ERC2: variants seen among roughly 807,000 people sequenced by gnomAD.
ERC2 encodes the protein ELKS/RAB6-interacting/CAST family member 2.
ERC2 carries 42 observed loss-of-function variants against 114.8 expected under a neutral mutation model. The ratio of observed to expected loss-of-function variants is 0.37; its 90% CI spans 0.29 to 0.47. The LOEUF (loss-of-function observed/expected upper bound fraction) is 0.47, where lower values mean the gene tolerates loss of function less well. Ranked by LOEUF, ERC2 falls within the 20% of genes least tolerant of loss-of-function variation. ERC2 has a pLI of 0.99. For synonymous variants in ERC2, 454 were observed against 425.5 expected, an observed-to-expected ratio of 1.07 and a Z score of -0.82; for missense variants, 939 against 1,150.7, an observed-to-expected ratio of 0.82 and a Z score of 2.66.
chr3:55,595,228 A>G (rs1414749519), intron 17 of ERC2, among the ~76,000 whole-genome samples: 1 of 152,230 alleles, frequency 6.6e-6, no homozygotes, highest in Non-Finnish European at 1.5e-5. Context: ...AAATCAAGAT[A>G]TCTGTTTAAA....
intron 15 of ERC2, among the ~76,000 whole-genome samples, chr3:55,703,479 T>A (rs763269885): frequency 1.3e-5 from 2 of 152,234 alleles, no homozygotes; most frequent in Non-Finnish European, 2.9e-5. Context: ...TTCAGCAGAA[T>A]CCTGTAGCCA....
chr3:55,932,508 T>C (rs2066159942), intron 13 of ERC2, among the ~76,000 whole-genome samples: 1 of 152,200 alleles, frequency 6.6e-6, no homozygotes, highest in South Asian at 2.1e-4. Flanking sequence ...TGGACCTTTG[T>C]ACATGCTGTT....
chr3:56,356,607 C>A (rs2058753497), intron 2 of ERC2, among the ~76,000 whole-genome samples: 1 of 152,166 alleles, frequency 6.6e-6, no homozygotes, highest in Non-Finnish European at 1.5e-5. Context: ...ACATGTAAGG[C>A]CTTTATTCTG....
chr3:55,862,816 T>C (rs1278174346), intron 14 of ERC2, among the ~76,000 whole-genome samples: 1 of 152,208 alleles, frequency 6.6e-6, no homozygotes, highest in Non-Finnish European at 1.5e-5. Context: ...ACACAATGAC[T>C]GAATTATGGT....
At chr3:56,408,609 G>A (rs1454107989) in intron 2 of ERC2, among the ~76,000 whole-genome samples, 1 of 152,182 alleles carries the variant, frequency 6.6e-6, no homozygotes. Context: ...CCTGGTATAA[G>A]AGGGACATTC....
At chr3:55,943,521 CT>C (rs35782784) in intron 13 of ERC2, among the ~76,000 whole-genome samples, 40,067 of 151,616 alleles carry the variant, frequency 0.26, 5,557 homozygotes, top group Admixed American at 0.34. Flanking sequence ...AACTCTCAAG[CT>C]TTTGGTACCT....
intron 3 of ERC2, among the ~76,000 whole-genome samples, chr3:56,177,737 C>T (rs970669207): frequency 3.3e-5 from 5 of 152,168 alleles, no homozygotes; most frequent in African/African-American, 1.2e-4. Flanking sequence ...CAGCCTGAGA[C>T]TTTGGGTATG....
At chr3:55,696,634 A>T (rs1411988740) in intron 16 of ERC2, among the ~76,000 whole-genome samples, 1 of 152,248 alleles carries the variant, frequency 6.6e-6, no homozygotes, top group Non-Finnish European at 1.5e-5. Context: ...TGGGAAAGAT[A>T]ACTATTGATA....
chr3:55,842,146 T>C (rs1190335658), intron 14 of ERC2, among the ~76,000 whole-genome samples: 1 of 151,866 alleles, frequency 6.6e-6, no homozygotes, highest in African/African-American at 2.4e-5. Context: ...CTCAGAAAAA[T>C]ATTAAGAATC....
intron 3 of ERC2, among the ~76,000 whole-genome samples, chr3:56,278,015 C>A (rs529014765): frequency 1.2e-4 from 19 of 152,280 alleles, no homozygotes; most frequent in African/African-American, 4.6e-4. Flanking sequence ...TCCATTGCTT[C>A]ATTTGTAACA....
At chr3:55,950,329 A>C (rs2067410860) in intron 13 of ERC2, 96 bp downstream of exon 13, 2 of 1,479,854 alleles carry the variant, frequency 1.4e-6, no homozygotes, top group South Asian at 1.3e-5. Flanking sequence ...GGCAAAGTCC[A>C]CCATTTCTGT....
chr3:56,258,595 A>G (rs911646831), intron 3 of ERC2, among the ~76,000 whole-genome samples: 2 of 152,220 alleles, frequency 1.3e-5, no homozygotes, highest in African/African-American at 4.8e-5. Context: ...CGGAGCTTGT[A>G]GTGAGCCAAG....
intron 17 of ERC2, among the ~76,000 whole-genome samples, chr3:55,622,881 C>T (rs2059380275): frequency 1.3e-5 from 2 of 151,866 alleles, no homozygotes; most frequent in East Asian, 1.9e-4. Context: ...TGGTTCCGAC[C>T]GAGACTTGGA....
intron 12 of ERC2, among the ~76,000 whole-genome samples, chr3:55,969,392 T>TACACACACACACAC (rs10555030): frequency 1.2e-4 from 17 of 140,602 alleles, no homozygotes; most frequent in African/African-American, 4.6e-4. Context: ...TTTATACACA[T>TACACACACACACAC]ACACACACAC....
intron 2 of ERC2, among the ~76,000 whole-genome samples, chr3:56,350,458 A>G (rs992664491): frequency 2.0e-5 from 3 of 152,240 alleles, no homozygotes; most frequent in Non-Finnish European, 2.9e-5. Flanking sequence ...TACTTGACAC[A>G]AAATTCTAAC....
At chr3:55,821,505 C>T (rs1348151816) in intron 14 of ERC2, among the ~76,000 whole-genome samples, 1 of 152,144 alleles carries the variant, frequency 6.6e-6, no homozygotes, top group African/African-American at 2.4e-5. Context: ...ACTTTACCAG[C>T]GTCATTACAT....
chr3:56,069,553 G>A (rs936232904), intron 7 of ERC2, among the ~76,000 whole-genome samples: 1 of 152,136 alleles, frequency 6.6e-6, no homozygotes, highest in Non-Finnish European at 1.5e-5. Flanking sequence ...GGAGGCTCTA[G>A]GGAAAAATTC....
chr3:56,416,475 C>G (rs2061159750), intron 2 of ERC2, among the ~76,000 whole-genome samples: 1 of 152,054 alleles, frequency 6.6e-6, no homozygotes, highest in Non-Finnish European at 1.5e-5. Flanking sequence ...AAGCTAACCT[C>G]CTTGTGAGAA....
intron 6 of ERC2, among the ~76,000 whole-genome samples, chr3:56,086,405 T>C (rs1256578135): frequency 6.6e-6 from 1 of 152,052 alleles, no homozygotes; most frequent in Non-Finnish European, 1.5e-5. Context: ...AAGTGTGTAC[T>C]TAACTTCAAA....
Sources: allele counts gnomAD v4.1 joint callset (sites outside exome capture counted in the v4.1 genomes callset), GRCh38; gene constraint gnomAD v4.1.1; transcripts MANE v1.5; gene names NCBI Gene and HGNC (gene_info 2026-07-23, HGNC 2026-07-21).